PXMP2: variants seen among roughly 807,000 people sequenced by gnomAD.
PXMP2 encodes the protein 22 kDa peroxisomal membrane protein.
PXMP2 carries 13 observed loss-of-function variants against 20.2 expected under a neutral mutation model. The observed-to-expected ratio is 0.64, with a 90% confidence interval of 0.42 to 1.02. The LOEUF (loss-of-function observed/expected upper bound fraction) is 1.02, where lower values mean the gene tolerates loss of function less well. Among genes scored for constraint, PXMP2 ranks in the 50% least tolerant of loss-of-function variants. The probability of loss-of-function intolerance (pLI) is 0.00; values close to 1 mark genes in which losing one functional copy is unlikely to be tolerated. For synonymous variants in PXMP2, 113 were observed against 111.2 expected (o/e 1.02, Z -0.10); for missense variants, 284 against 251.8 (o/e 1.13, Z -0.87).
chr12:132,699,734 G>A (rs1036067237), intron 3 of PXMP2, among the ~76,000 whole-genome samples: 1 of 151,978 alleles, frequency 6.6e-6, no homozygotes, highest in African/African-American at 2.4e-5. Context: ...GTGTTCCGTG[G>A]TGTATTTATG....
At chr12:132,702,511 CAGG>C in intron 4 of PXMP2, 1 of 404,898 alleles carries the variant, frequency 2.5e-6, no homozygotes, top group Non-Finnish European at 5.0e-6. Context: ...CCAGATGCTA[CAGG>C]AGGAGGCCTG....
intron 3 of PXMP2, among the ~76,000 whole-genome samples, chr12:132,700,901 C>T (rs1033658474): frequency 6.8e-6 from 1 of 147,580 alleles, no homozygotes; most frequent in Non-Finnish European, 1.5e-5. Context: ...AAGACATCGA[C>T]TTTGGAGGTT....
intron 2 of PXMP2, 45 bp from the exon 3 acceptor site, chr12:132,695,839 C>T: frequency 1.3e-6 from 2 of 1,562,882 alleles, no homozygotes; most frequent in Non-Finnish European, 1.7e-6. Flanking sequence ...GAGAAGAGCA[C>T]ATCCAGAGAA....
Position 132,696,042 on chromosome 12 carries a change from TGGA to T in PXMP2, c.398_399+1del. 1.9e-6 allele frequency: 3 copies of T among 1,603,580 alleles called. No individual in the cohort carries two copies. Among genetic ancestry groups the T allele is most frequent in the Non-Finnish European group, 1.7e-6 (2 of 1,174,094 alleles). ...TTGTTCTTCCTCATCATGAACTTTC[TGGA>T]GGTGGGTGTCTGCCACAGCACTTAC... On this transcript the variant is annotated inframe_deletion and splice_region_variant, in exon 3 of 5. Transcript: ENST00000317479. This position sits in a 1 kb window ranked among gnomAD's most constrained non-coding sequence, Gnocchi z 4.4.
intron 2 of PXMP2, among the ~76,000 whole-genome samples, chr12:132,692,973 C>T (rs142242796): frequency 6.3e-5 from 5 of 79,880 alleles, no homozygotes; most frequent in East Asian, 3.1e-4. Flanking sequence ...GCTCCCTTAG[C>T]CAGTTAGTGA....
chr12:132,698,061 G>A (rs989417590), intron 3 of PXMP2, among the ~76,000 whole-genome samples: 2 of 151,498 alleles, frequency 1.3e-5, no homozygotes, highest in Non-Finnish European at 2.9e-5. Flanking sequence ...GCCCAGGCTG[G>A]AGTGTAGTGC....
At chr12:132,702,907 C>T (rs1272782593) in intron 4 of PXMP2, among the ~76,000 whole-genome samples, 1 of 152,198 alleles carries the variant, frequency 6.6e-6, no homozygotes. Flanking sequence ...ACACTGCACA[C>T]ACCACAAACA....
In PXMP2 at chr12:132,687,697, G is replaced by A. The variant is rs1157486154; in HGVS notation, c.27G>A (p.Arg9=). The change falls in exon 1 of 5, where the codon CGG becomes CGA. Residue 9 remains arginine (R), a synonymous_variant. Transcript: ENST00000317479. MAPAASRL[R]AEAGLGALPR... ...TGGCGCCGGCCGCGTCCAGGCTGCG[G>A]GCCGAAGCCGGGCTCGGGGCGCTGC... The A allele has an allele frequency of 1.7e-6, 2 of 1,191,144 alleles. No individual in the cohort carries two copies. Among genetic ancestry groups the A allele is most frequent in the Non-Finnish European group, 2.1e-6 (2 of 965,048 alleles). The allele number at this position is 1,191,144 out of a possible 1,614,324, so 73.8% of individuals were successfully genotyped here.
At chr12:132,701,042 G>C (rs929477133) in intron 3 of PXMP2, among the ~76,000 whole-genome samples, 5 of 152,168 alleles carry the variant, frequency 3.3e-5, no homozygotes, top group Admixed American at 2.6e-4. Context: ...GCATGAGCAG[G>C]CTGCTGTCTG....
chr12:132,700,460 T>A (rs757627449), intron 3 of PXMP2, among the ~76,000 whole-genome samples: 47 of 152,216 alleles, frequency 3.1e-4, no homozygotes, highest in Non-Finnish European at 4.0e-4. Flanking sequence ...ATATGTTTCT[T>A]GGCCACTTGT....
chr12:132,700,041 C>CTTTTTTTTTTTTTTTTTTTT (rs201949583), intron 3 of PXMP2, among the ~76,000 whole-genome samples: 1 of 140,238 alleles, frequency 7.1e-6, no homozygotes, highest in Non-Finnish European at 1.6e-5. Flanking sequence ...TGTTTTTTGA[C>CTTTTTTTTTTTTTTTTTTTT]CTTTTTTTTT....
At chr12:132,701,436 C>G (rs1164331122) in intron 4 of PXMP2, 67 bp downstream of exon 4, 1 of 1,565,258 alleles carries the variant, frequency 6.4e-7, no homozygotes, top group African/African-American at 1.4e-5. Context: ...TTCCTTCCTT[C>G]CTCTTTCCTC....
chr12:132,687,695 C>T lies in PXMP2; in HGVS notation c.25C>T (p.Arg9Trp). 8.4e-7 allele frequency: 1 copy of T among 1,186,948 alleles called. No homozygotes were observed. Among genetic ancestry groups the T allele is most frequent in the Non-Finnish European group, 1.0e-6 (1 of 962,922 alleles). 73.5% of individuals were successfully genotyped at this position (1,186,948 alleles called of 1,614,324 possible). MAPAASRL[R>W]AEAGLGALPR... ...GATGGCGCCGGCCGCGTCCAGGCTG[C>T]GGGCCGAAGCCGGGCTCGGGGCGCT... The change falls in exon 1 of 5, where the codon CGG (arginine) becomes TGG (tryptophan). Residue 9 changes from arginine to tryptophan, a missense_variant. Coordinates refer to ENST00000317479, the MANE Select transcript of PXMP2 (RefSeq NM_018663.3).
chr12:132,691,838 T>C (rs2043368642), intron 2 of PXMP2, among the ~76,000 whole-genome samples: 1 of 152,238 alleles, frequency 6.6e-6, no homozygotes, highest in South Asian at 2.1e-4. Context: ...TGTTGCTGAA[T>C]TTTATGGAAC....
intron 3 of PXMP2, among the ~76,000 whole-genome samples, chr12:132,699,700 C>T (rs2043428367): frequency 6.6e-6 from 1 of 151,696 alleles, no homozygotes; most frequent in South Asian, 2.1e-4. Context: ...CGGCCGAGTT[C>T]ATTCTTTTTT....
chr12:132,698,530 A>T (rs546548898), intron 3 of PXMP2, among the ~76,000 whole-genome samples: 2 of 152,262 alleles, frequency 1.3e-5, no homozygotes, highest in South Asian at 2.1e-4. Context: ...TTACATAGCA[A>T]ATTTTCTCAT....
Position 132,696,118 on chromosome 12 carries a change from A to G in PXMP2, c.399+72A>G. The G allele has an allele frequency of 6.9e-7, 1 of 1,448,612 alleles. No individual in the cohort carries two copies. Among genetic ancestry groups the G allele is most frequent in the Non-Finnish European group, 9.2e-7 (1 of 1,081,962 alleles). The allele number at this position is 1,448,612 out of a possible 1,614,324, so 89.7% of individuals were successfully genotyped here. A position where few individuals can be genotyped will look rare whatever the true frequency, so the allele number is the denominator to read the frequency against. ...GGATTCTTCACCTGACATTCTCGGC[A>G]GAATTCAGAGGGTCTGCAGATTTTT... On this transcript the variant is annotated intron_variant, in intron 3 of 4. Transcript: ENST00000317479. This position sits in a 1 kb window ranked among gnomAD's most constrained non-coding sequence, Gnocchi z 4.4.
In PXMP2 at chr12:132,695,977, TCTC is replaced by T; in HGVS notation, c.333_335del (p.Leu112del). 1 of 1,612,452 alleles carries T rather than the reference TCTC, an allele frequency of 6.2e-7. No homozygotes were observed. The highest frequency in any genetic ancestry group is 1.3e-5 in the African/African-American group (1 of 75,010). On this transcript the variant is annotated inframe_deletion, in exon 3 of 5. Coordinates refer to ENST00000317479, the MANE Select transcript of PXMP2 (RefSeq NM_018663.3). Reference sequence around the variant, plus strand: ...TCCCCCTGGCAGGGCTCAGGAGGCTTCTCCTGGACCGCCTCGTCTTTGCACCGG... The same window carrying T: ...TCCCCCTGGCAGGGCTCAGGAGGCTTCTGGACCGCCTCGTCTTTGCACCGG...
intron 2 of PXMP2, among the ~76,000 whole-genome samples, chr12:132,692,985 C>T (rs1395344475): frequency 2.7e-5 from 2 of 74,256 alleles, no homozygotes; most frequent in African/African-American, 8.7e-5. Flanking sequence ...AGTTAGTGAG[C>T]TCCCTTGCCA....
Sources: allele counts gnomAD v4.1 joint callset (sites outside exome capture counted in the v4.1 genomes callset), GRCh38; gene constraint gnomAD v4.1.1; non-coding constraint Gnocchi (gnomAD v3.1); transcripts MANE v1.5; gene names NCBI Gene and HGNC (gene_info 2026-07-23, HGNC 2026-07-21).